The following RNF43 variants were observed in gnomAD, a reference collection of about 807,000 sequenced individuals.
RNF43 encodes E3 ubiquitin-protein ligase RNF43.
In RNF43, 37 loss-of-function variants were observed where a neutral mutation model predicts 78.4. That is an observed-to-expected ratio of 0.47 (90% CI 0.36 to 0.62). The LOEUF (loss-of-function observed/expected upper bound fraction) is 0.62. Ranked by LOEUF, RNF43 falls within the 20% of genes least tolerant of loss-of-function variation. The probability of loss-of-function intolerance (pLI) is 0.00; values close to 1 mark genes in which losing one functional copy is unlikely to be tolerated. For synonymous variants in RNF43, 347 were observed against 395.0 expected (o/e 0.88, Z 1.44); for missense variants, 774 against 1,007.9 (o/e 0.77, Z 3.14).
chr17:58,368,275 C>G (rs1215362096), intron 3 of RNF43, among the ~76,000 whole-genome samples: 1 of 152,172 alleles, frequency 6.6e-6, no homozygotes, highest in Non-Finnish European at 1.5e-5. Context: ...CGGCTGGGTG[C>G]AGTGGCTCAT....
At position 58,357,613 on chromosome 17, in the gene RNF43, A is replaced by AT; in HGVS notation, c.2162dup (p.Asn721LysfsTer26). 1 of 1,614,034 alleles carries AT rather than the reference A, an allele frequency of 6.2e-7. No individual in the cohort carries two copies. Among genetic ancestry groups the AT allele is most frequent in the Non-Finnish European group, 8.5e-7 (1 of 1,179,946 alleles). On this transcript the variant is annotated frameshift_variant, in exon 9 of 10. Transcript: ENST00000407977. LOFTEE classifies it high-confidence loss of function. The surrounding 1 kb of genome is among the most constrained non-coding windows in gnomAD (Gnocchi z 4.5). ...TCAGGCACAACCACACTGGCTGTGA[A>AT]TTTGAGTAACAGGGGCCTGGGGTTT... is the stretch of plus-strand genomic sequence containing the variant.
intron 2 of RNF43, among the ~76,000 whole-genome samples, chr17:58,401,835 A>C (rs959058155): frequency 5.9e-5 from 9 of 152,202 alleles, no homozygotes; most frequent in African/African-American, 1.7e-4. Flanking sequence ...AAAAAAAAAA[A>C]AAAACCTATA....
At chr17:58,401,288 G>T (rs937741839) in intron 2 of RNF43, among the ~76,000 whole-genome samples, 1 of 152,202 alleles carries the variant, frequency 6.6e-6, no homozygotes, top group Non-Finnish European at 1.5e-5. Flanking sequence ...TCATGCCAAA[G>T]ACTATTTTAC....
chr17:58,400,388 G>A (rs946994045), intron 2 of RNF43, among the ~76,000 whole-genome samples: 4 of 152,126 alleles, frequency 2.6e-5, no homozygotes, highest in Non-Finnish European at 5.9e-5. Flanking sequence ...ATAGGTTAAC[G>A]GAGTCTAAAT....
chr17:58,356,421 G>A (rs1972685451), intron 9 of RNF43, among the ~76,000 whole-genome samples: 1 of 152,194 alleles, frequency 6.6e-6, no homozygotes. Flanking sequence ...ATGGGGAAGA[G>A]TAGAAGGTGG....
At chr17:58,414,821 C>T (rs1301346207) in intron 2 of RNF43, among the ~76,000 whole-genome samples, 1 of 152,282 alleles carries the variant, frequency 6.6e-6, no homozygotes, top group East Asian at 1.9e-4. Context: ...TAGGGTGCCA[C>T]ACGTGGTGTA....
rs556803217 is a variant in RNF43 at position 58,373,208 on chromosome 17, A to C, written c.253-2175T>G. On this transcript the variant is annotated intron_variant, in intron 2 of 9. Coordinates refer to ENST00000407977, the MANE Select transcript of RNF43 (RefSeq NM_017763.6). ...GACTCCAAGATGCCGCTCACTGACCAGAGGGTCGCCTGGGAGAGGAAAGTC... is the reference window on the plus strand; with the variant it reads ...GACTCCAAGATGCCGCTCACTGACCCGAGGGTCGCCTGGGAGAGGAAAGTC... 2.0e-5 allele frequency among the ~76,000 whole-genome samples: 3 copies of C among 152,336 alleles called. No homozygotes were observed. In the East Asian group the frequency reaches 5.8e-4, roughly 29 times the overall value.
chr17:58,362,794 G>A, intron 5 of RNF43, 146 bp from the exon 6 acceptor site: 1 of 571,330 alleles, frequency 1.8e-6, no homozygotes, highest in Non-Finnish European at 3.1e-6. Context: ...GAACCTGCAA[G>A]TGGGATTAGG....
At chr17:58,382,719 G>A (rs1038383803) in intron 2 of RNF43, among the ~76,000 whole-genome samples, 4 of 152,300 alleles carry the variant, frequency 2.6e-5, no homozygotes, top group Non-Finnish European at 4.4e-5. Flanking sequence ...AACGAGTCCC[G>A]GTCTCAGGAG....
intron 9 of RNF43, among the ~76,000 whole-genome samples, chr17:58,356,371 C>CT (rs1275063435): frequency 2.0e-5 from 3 of 152,170 alleles, no homozygotes; most frequent in Non-Finnish European, 4.4e-5. Flanking sequence ...CTAGTGATGG[C>CT]TGTAGACAAA....
chr17:58,372,650 A>G (rs1405652735), intron 2 of RNF43, among the ~76,000 whole-genome samples: 1 of 152,204 alleles, frequency 6.6e-6, no homozygotes, highest in East Asian at 1.9e-4. Flanking sequence ...AAGCAGCTCA[A>G]AAGACAAGCA....
chr17:58,415,017 A>T (rs2143692253), intron 2 of RNF43, among the ~76,000 whole-genome samples: 1 of 152,368 alleles, frequency 6.6e-6, no homozygotes, highest in South Asian at 2.1e-4. Context: ...CATATATTTC[A>T]TCTATCAAAA....
Position 58,358,313 on chromosome 17 carries a change from T to C in RNF43, c.1463A>G (p.Gln488Arg), listed in dbSNP as rs751894367. 2 of 1,614,122 alleles carry C rather than the reference T, an allele frequency of 1.2e-6. No individual in the cohort carries two copies. The highest frequency in any genetic ancestry group is 1.7e-6 in the Non-Finnish European group (2 of 1,180,012). ...AGTAGAACTGCTGCCATGGACCCCC[T>C]GTAGGCTGATGTCCGTGCAGTTGAC... ...SVVNCTDISL[Q>R]GVHGSSSTFC... Residue 488 changes from glutamine to arginine, a missense_variant, in exon 9 of 10, where the codon CAG (glutamine) becomes CGG (arginine). Gln to Arg is a conservative substitution (Grantham distance 43). Transcript: ENST00000407977. The surrounding 1 kb of genome is among the most constrained non-coding windows in gnomAD (Gnocchi z 6.2).
In RNF43 at chr17:58,415,649, A is replaced by C; in HGVS notation, c.-72T>G. The C allele has an allele frequency of 2.0e-6, 3 of 1,528,990 alleles. No homozygotes were observed. The highest frequency in any genetic ancestry group is 2.7e-6 in the Non-Finnish European group (3 of 1,127,186). The allele number at this position is 1,528,990 out of a possible 1,614,324, so 94.7% of individuals were successfully genotyped here. On this transcript the variant is annotated 5_prime_UTR_variant, in exon 2 of 10. Transcript: ENST00000407977. ...TAGCTAATACCAAATGCAGGTTCTC[A>C]GATCCAGACAAATGGAGGAAAAGAA...
intron 2 of RNF43, among the ~76,000 whole-genome samples, chr17:58,412,504 A>C (rs1974042384): frequency 6.6e-6 from 1 of 152,164 alleles, no homozygotes; most frequent in Admixed American, 6.5e-5. Flanking sequence ...AAGCACAAAG[A>C]CTGAGAGATA....
Position 58,401,825 on chromosome 17 carries a change from A to T in RNF43, c.252+13501T>A, listed in dbSNP as rs909198091. ...ATTTTATCCATATATTCCTAGCATA[A>T]AAAAAAAAAAAAAACCTATAATCTA... On this transcript the variant is annotated intron_variant, in intron 2 of 9. Coordinates refer to ENST00000407977, the MANE Select transcript of RNF43 (RefSeq NM_017763.6). 0.016 allele frequency among the ~76,000 whole-genome samples: 67 copies of T among 4,256 alleles called. No homozygotes were observed. In the African/African-American group the frequency reaches 0.19, roughly 12 times the overall value. The allele number at this position is 4,256 out of a possible 152,430, so 2.8% of individuals were successfully genotyped here.
intron 2 of RNF43, among the ~76,000 whole-genome samples, chr17:58,378,377 C>T (rs1973248983): frequency 6.6e-6 from 1 of 152,162 alleles, no homozygotes; most frequent in African/African-American, 2.4e-5. Flanking sequence ...CCTGCCTCAG[C>T]CTCCTGAGGT....
chr17:58,382,820 G>C (rs915553783), intron 2 of RNF43, among the ~76,000 whole-genome samples: 1 of 152,194 alleles, frequency 6.6e-6, no homozygotes, highest in Non-Finnish European at 1.5e-5. Context: ...ACAGGGCATG[G>C]GAATGCACAG....
rs529533166 is a variant in RNF43 at position 58,385,185 on chromosome 17, T to C, written c.253-14152A>G. On this transcript the variant is annotated intron_variant, in intron 2 of 9. Transcript: ENST00000407977. ...ATATGTATGTTTCCTAAAGATGTAC[T>C]CTCTGATCTCTATTACCTCTCTTCT... Among the ~76,000 whole-genome samples the C allele has an allele frequency of 3.3e-5, 5 of 152,348 alleles. No individual in the cohort carries two copies. The South Asian group carries it at 1.0e-3, about 32-fold the overall frequency.
Sources: gnomAD v4.1 joint callset for allele counts (sites outside exome capture counted in the v4.1 genomes callset) on GRCh38, gnomAD v4.1.1 for gene constraint, Gnocchi (gnomAD v3.1) non-coding constraint, MANE v1.5 for transcripts, NCBI Gene and HGNC (gene_info 2026-07-23, HGNC 2026-07-21) for gene names.